The following BMPR1B variants were observed in gnomAD, a reference collection of about 807,000 sequenced individuals.
BMPR1B encodes the protein bone morphogenetic protein receptor type 1B, also known as bone morphogenetic protein receptor type-1B.
In BMPR1B, 12 loss-of-function variants were observed where a neutral mutation model predicts 59.1. The observed-to-expected ratio is 0.20, with a 90% CI of 0.13 to 0.33. BMPR1B has a LOEUF of 0.33. BMPR1B is among the 10% of genes least tolerant of loss of function. The pLI is 1.00. For missense variants in BMPR1B, 550 were observed against 610.9 expected (o/e 0.90, Z 1.05); for synonymous variants, 237 against 207.3 (o/e 1.14, Z -1.23).
At chr4:94,974,625 A>G (rs1295339691) in intron 2 of BMPR1B, among the ~76,000 whole-genome samples, 1 of 152,188 alleles carries the variant, frequency 6.6e-6, no homozygotes. Flanking sequence ...ATACCTGATT[A>G]AGGCACAGTT....
chr4:95,101,409 C>T (rs116670417), intron 3 of BMPR1B, among the ~76,000 whole-genome samples: 3,022 of 152,252 alleles, frequency 0.02, 96 homozygotes, highest in African/African-American at 0.065. Context: ...GGAAAGAATA[C>T]TGCTAGCGTG....
At chr4:94,812,887 C>T (rs1041356335) in intron 1 of BMPR1B, among the ~76,000 whole-genome samples, 6 of 151,918 alleles carry the variant, frequency 3.9e-5, no homozygotes, top group Non-Finnish European at 5.9e-5. Flanking sequence ...GTTTATAGAC[C>T]GCATCATTTA....
chr4:95,095,009 C>A (rs1730259775), intron 3 of BMPR1B, among the ~76,000 whole-genome samples: 1 of 151,412 alleles, frequency 6.6e-6, no homozygotes, highest in Non-Finnish European at 1.5e-5. Flanking sequence ...GCATATGTCC[C>A]AACTTTTTAT....
chr4:95,086,372 C>T lies in BMPR1B; in HGVS notation c.-17-18036C>T, dbSNP rs534091801. 3.3e-5 allele frequency among the ~76,000 whole-genome samples: 5 copies of T among 152,260 alleles called. No homozygotes were observed. In the South Asian group the frequency reaches 1.0e-3, roughly 32 times the overall value. ...TGTGCCAGGCTTGTTACACAGCAGT[C>T]AAAATATGTAATGTTTTTCTTAAGA... On this transcript the variant is annotated intron_variant, in intron 3 of 12. Transcript: ENST00000515059.
chr4:95,117,894 G>T (rs1732189750), intron 6 of BMPR1B, among the ~76,000 whole-genome samples: 1 of 152,132 alleles, frequency 6.6e-6, no homozygotes, highest in Non-Finnish European at 1.5e-5. Context: ...TAGGAATTTA[G>T]AAAAATAGTA....
intron 2 of BMPR1B, among the ~76,000 whole-genome samples, chr4:94,924,670 T>C: frequency 6.6e-6 from 1 of 152,144 alleles, no homozygotes; most frequent in Non-Finnish European, 1.5e-5. Context: ...GGAAGCTGAC[T>C]TCACATCATG....
intron 3 of BMPR1B, among the ~76,000 whole-genome samples, chr4:95,071,920 C>T (rs972859079): frequency 2.0e-5 from 3 of 151,576 alleles, no homozygotes; most frequent in Non-Finnish European, 4.4e-5. Context: ...GGTGATAAGG[C>T]GTGTGTGTCT....
chr4:95,096,950 A>G (rs1730452396), intron 3 of BMPR1B, among the ~76,000 whole-genome samples: 1 of 143,420 alleles, frequency 7.0e-6, no homozygotes, highest in Non-Finnish European at 1.5e-5. Context: ...ATGTAACTAA[A>G]GTTATATAAC....
intron 3 of BMPR1B, among the ~76,000 whole-genome samples, chr4:95,079,158 AAGC>A: frequency 6.6e-6 from 1 of 152,248 alleles, no homozygotes; most frequent in Non-Finnish European, 1.5e-5. Context: ...CAATTTTAGA[AAGC>A]AGAGATTTTA....
chr4:94,866,482 A>G (rs146925508), intron 1 of BMPR1B, among the ~76,000 whole-genome samples: 87 of 152,200 alleles, frequency 5.7e-4, no homozygotes, highest in African/African-American at 2.0e-3. Context: ...TTCCCGTCCA[A>G]AATCCTTCCC....
chr4:95,151,900 A>AT (rs1735069840), intron 11 of BMPR1B, among the ~76,000 whole-genome samples: 1 of 152,200 alleles, frequency 6.6e-6, no homozygotes, highest in African/African-American at 2.4e-5. Flanking sequence ...AGAAGCCTGC[A>AT]TTTTTAAAGG....
At chr4:94,781,114 G>A (rs1228312271) in intron 1 of BMPR1B, among the ~76,000 whole-genome samples, 1 of 152,144 alleles carries the variant, frequency 6.6e-6, no homozygotes, top group Non-Finnish European at 1.5e-5. Context: ...TTGGCCATTT[G>A]TATGTCTTAT....
intron 1 of BMPR1B, among the ~76,000 whole-genome samples, chr4:94,865,850 G>T (rs931165508): frequency 6.6e-6 from 1 of 151,080 alleles, no homozygotes; most frequent in Non-Finnish European, 1.5e-5. Context: ...TTTTTTTTTC[G>T]AGATGATGGT....
chr4:94,774,172 CGTCA>C (rs1722285999), intron 1 of BMPR1B, among the ~76,000 whole-genome samples: 1 of 152,004 alleles, frequency 6.6e-6, no homozygotes, highest in Non-Finnish European at 1.5e-5. Context: ...CCCTATGACA[CGTCA>C]GTATTTGCTA....
At chr4:94,865,806 A>C (rs1266383905) in intron 1 of BMPR1B, among the ~76,000 whole-genome samples, 1 of 152,276 alleles carries the variant, frequency 6.6e-6, no homozygotes, top group Admixed American at 6.5e-5. Context: ...AAAGAACAAC[A>C]ACATGCATTA....
chr4:94,910,629 C>T lies in BMPR1B; in HGVS notation c.-113+34729C>T, dbSNP rs1363800136. 3.3e-5 allele frequency among the ~76,000 whole-genome samples: 5 copies of T among 151,996 alleles called. No homozygotes were observed. The South Asian group carries it at 8.3e-4, about 25-fold the overall frequency. On this transcript the variant is annotated intron_variant, in intron 2 of 12. Transcript: ENST00000515059. The stretch of plus-strand genomic sequence containing the variant: ...AACTACAATATTAAAAATTTCAGGC[C>T]AGGTATGGTGGCTTATGCCTGTAAT...
chr4:95,075,826 T>G (rs1483297154), intron 3 of BMPR1B, among the ~76,000 whole-genome samples: 1 of 152,184 alleles, frequency 6.6e-6, no homozygotes, highest in Admixed American at 6.5e-5. Flanking sequence ...TTGGTTTATA[T>G]TACTGTAAGG....
chr4:94,919,329 C>T (rs893053280), intron 2 of BMPR1B, among the ~76,000 whole-genome samples: 2 of 152,170 alleles, frequency 1.3e-5, no homozygotes, highest in Non-Finnish European at 2.9e-5. Flanking sequence ...CAATTGCTCT[C>T]AAACTTTTAT....
chr4:94,987,048 AT>A (rs58948950), intron 2 of BMPR1B, among the ~76,000 whole-genome samples: 135,485 of 143,408 alleles, frequency 0.94, 64,047 homozygotes, highest in Middle Eastern at 0.97. Flanking sequence ...CTCAAAAAAA[AT>A]ATATATATAT....
Sources: gnomAD v4.1 joint callset for allele counts (sites outside exome capture counted in the v4.1 genomes callset) on GRCh38, gnomAD v4.1.1 for gene constraint, MANE v1.5 for transcripts, NCBI Gene and HGNC (gene_info 2026-07-23, HGNC 2026-07-21) for gene names.